COMMD10: variants seen among roughly 807,000 people sequenced by gnomAD.
COMMD10 encodes COMM domain-containing protein 10.
Under a neutral mutation model 28.9 loss-of-function variants are expected in COMMD10, and 33 were observed. The observed-to-expected ratio is 1.14, with a 90% CI of 0.87 to 1.53. The LOEUF is 1.53. Among genes scored for constraint, COMMD10 ranks in the 40% most tolerant of loss-of-function variants. COMMD10 has a pLI of 0.00. For missense variants in COMMD10, 310 were observed against 233.4 expected, an observed-to-expected ratio of 1.33 and a Z score of -2.14; for synonymous variants, 110 against 81.7, an observed-to-expected ratio of 1.35 and a Z score of -1.87.
chr5:116,153,477 A>G (rs991405478), intron 5 of COMMD10, among the ~76,000 whole-genome samples: 2 of 152,134 alleles, frequency 1.3e-5, no homozygotes, highest in African/African-American at 2.4e-5. Context: ...GCTGCAGAGC[A>G]CACAGTAATC....
At chr5:116,180,101 A>T (rs1305958051) in intron 5 of COMMD10, among the ~76,000 whole-genome samples, 2 of 152,096 alleles carry the variant, frequency 1.3e-5, no homozygotes, top group African/African-American at 2.4e-5. Context: ...AGAGCTTTCC[A>T]TATCTTTGGA....
intron 5 of COMMD10, among the ~76,000 whole-genome samples, chr5:116,142,127 C>T (rs1014479883): frequency 1.3e-5 from 2 of 151,846 alleles, no homozygotes; most frequent in African/African-American, 4.8e-5. Flanking sequence ...GTTTATTCAA[C>T]ATAAACTTTT....
At chr5:116,224,562 G>A (rs1043406336) in intron 5 of COMMD10, among the ~76,000 whole-genome samples, 5 of 152,108 alleles carry the variant, frequency 3.3e-5, no homozygotes, top group Admixed American at 1.3e-4. Flanking sequence ...ACAAGGGTCC[G>A]GGGCCGCGGT....
intron 5 of COMMD10, among the ~76,000 whole-genome samples, chr5:116,204,534 A>G (rs1189595541): frequency 6.6e-6 from 1 of 152,098 alleles, no homozygotes; most frequent in Non-Finnish European, 1.5e-5. Flanking sequence ...AGGAGGAAAT[A>G]TCTAATAGTA....
At chr5:116,133,926 G>A in intron 4 of COMMD10, 142 bp from the exon 5 acceptor site, 1 of 556,070 alleles carries the variant, frequency 1.8e-6, no homozygotes, top group South Asian at 2.4e-5. Context: ...CGCAGAGTAT[G>A]CAGGTTAAAA....
At chr5:116,263,157 T>C (rs1021425982) in intron 5 of COMMD10, among the ~76,000 whole-genome samples, 4 of 151,866 alleles carry the variant, frequency 2.6e-5, no homozygotes, top group Non-Finnish European at 5.9e-5. Flanking sequence ...ATGAATAGTT[T>C]ATATTTTTGC....
At chr5:116,219,507 C>T (rs961219155) in intron 5 of COMMD10, among the ~76,000 whole-genome samples, 11 of 152,058 alleles carry the variant, frequency 7.2e-5, no homozygotes, top group African/African-American at 2.7e-4. Flanking sequence ...CACAGACATA[C>T]ATAAGAGAAG....
At chr5:116,095,606 TC>T (rs748431576) in intron 4 of COMMD10, among the ~76,000 whole-genome samples, 4 of 152,184 alleles carry the variant, frequency 2.6e-5, no homozygotes, top group Non-Finnish European at 5.9e-5. Flanking sequence ...ACAGTATCTT[TC>T]CCAGAACAGA....
At chr5:116,178,796 A>T (rs1747844339) in intron 5 of COMMD10, among the ~76,000 whole-genome samples, 1 of 152,282 alleles carries the variant, frequency 6.6e-6, no homozygotes, top group East Asian at 1.9e-4. Context: ...GCCCTGATTT[A>T]TTCTCAGAAG....
chr5:116,123,094 A>T (rs184862516), intron 4 of COMMD10, among the ~76,000 whole-genome samples: 3 of 151,564 alleles, frequency 2.0e-5, no homozygotes, highest in Admixed American at 2.0e-4. Flanking sequence ...TGCCCATTTG[A>T]TATGATATTG....
Position 116,114,191 on chromosome 5 carries a change from A to G in COMMD10, c.400-19877A>G, listed in dbSNP as rs1447669339. Among the ~76,000 whole-genome samples, 7 of 152,138 alleles carry G rather than the reference A, an allele frequency of 4.6e-5. No homozygotes were observed. In the South Asian group the frequency reaches 8.3e-4, roughly 18 times the overall value. On this transcript the variant is annotated intron_variant, in intron 4 of 6. Coordinates refer to ENST00000274458, the MANE Select transcript of COMMD10 (RefSeq NM_016144.4). ...TAGCAGTGGTTGTCTAAGCAGGTCT[A>G]TATCTAGGGCAGTGTGTGCTGGCAC... is the stretch of plus-strand genomic sequence containing the variant.
chr5:116,156,664 G>A (rs1752721628), intron 5 of COMMD10, among the ~76,000 whole-genome samples: 1 of 152,072 alleles, frequency 6.6e-6, no homozygotes. Flanking sequence ...ACAACTCTTA[G>A]AATTTTTGTA....
chr5:116,227,142 T>C (rs1749413802), intron 5 of COMMD10, among the ~76,000 whole-genome samples: 1 of 152,008 alleles, frequency 6.6e-6, no homozygotes, highest in Admixed American at 6.6e-5. Context: ...TAAATTAAGT[T>C]GATCGCTTAA....
chr5:116,181,071 G>C (rs1180050841), intron 5 of COMMD10, among the ~76,000 whole-genome samples: 1 of 152,074 alleles, frequency 6.6e-6, no homozygotes, highest in Admixed American at 6.6e-5. Context: ...TTGAGCCTGG[G>C]AGGTTGAAGC....
At chr5:116,192,785 C>G (rs1748403948) in intron 5 of COMMD10, among the ~76,000 whole-genome samples, 1 of 152,132 alleles carries the variant, frequency 6.6e-6, no homozygotes, top group Non-Finnish European at 1.5e-5. Context: ...TGCTAGGAAC[C>G]TAGACATCCA....
intron 4 of COMMD10, among the ~76,000 whole-genome samples, chr5:116,112,157 T>C (rs114321136): frequency 0.01 from 1,551 of 152,332 alleles, 31 homozygotes; most frequent in African/African-American, 0.036. Context: ...AGAAGATTAT[T>C]TCTACTTCAT....
At chr5:116,142,454 A>G (rs1311895633) in intron 5 of COMMD10, among the ~76,000 whole-genome samples, 1 of 151,828 alleles carries the variant, frequency 6.6e-6, no homozygotes, top group Non-Finnish European at 1.5e-5. Flanking sequence ...ATTCCTCAAG[A>G]GGATGATTAC....
rs539509740 is a variant in COMMD10 at position 116,201,274 on chromosome 5, T to C, written c.510+67096T>C. 1.8e-3 allele frequency among the ~76,000 whole-genome samples: 278 copies of C among 152,286 alleles called. 2 individuals are homozygous for C. The highest frequency in any genetic ancestry group is 0.017 in the Middle Eastern group (5 of 294). ...CATATTTTAAAAATGGCGTGTCCTTTCCTTTGCTGGAAGCATGAGTGGATT... is the reference window on the plus strand; with the variant it reads ...CATATTTTAAAAATGGCGTGTCCTTCCCTTTGCTGGAAGCATGAGTGGATT... On this transcript the variant is annotated intron_variant, in intron 5 of 6. Transcript: ENST00000274458.
chr5:116,145,110 T>G (rs1187301843), intron 5 of COMMD10, among the ~76,000 whole-genome samples: 1 of 151,822 alleles, frequency 6.6e-6, no homozygotes, highest in African/African-American at 2.4e-5. Context: ...TGCTTCTGTT[T>G]TCTCAATGCT....
Sources: allele counts gnomAD v4.1 joint callset (sites outside exome capture counted in the v4.1 genomes callset), GRCh38; gene constraint gnomAD v4.1.1; transcripts MANE v1.5; gene names NCBI Gene and HGNC (gene_info 2026-07-23, HGNC 2026-07-21).